The following TTC27 variants were observed in gnomAD, a reference collection of about 807,000 sequenced individuals.
TTC27 encodes the protein tetratricopeptide repeat domain 27, also known as tetratricopeptide repeat protein 27.
Under a neutral mutation model 115.9 loss-of-function variants are expected in TTC27, and 79 were observed. The ratio of observed to expected loss-of-function variants is 0.68; its 90% CI spans 0.57 to 0.82. The LOEUF is 0.82. TTC27 is among the 40% of genes least tolerant of loss of function. TTC27 has a pLI of 0.00. For synonymous variants in TTC27, 401 were observed against 356.0 expected (o/e 1.13, Z -1.42); for missense variants, 1,054 against 993.1 (o/e 1.06, Z -0.82).
chr2:32,715,880 A>G (rs1667737806), intron 10 of TTC27, among the ~76,000 whole-genome samples: 1 of 151,242 alleles, frequency 6.6e-6, no homozygotes. Flanking sequence ...TTTTTTTTTA[A>G]TACTGATGGA....
rs1252132286 is a variant in TTC27, at chr2:32,773,053, C to A, written c.1681-4829C>A. 3.9e-5 allele frequency among the ~76,000 whole-genome samples: 6 copies of A among 152,206 alleles called. 2 individuals are homozygous for A. Among genetic ancestry groups the A allele is most frequent in the Non-Finnish European group, 8.8e-5 (6 of 68,028 alleles). ...AAATTCAAAGAAACCATGCTCTCAA[C>A]CTTTTGAGTTCTTTGTGAATTATTT... is the stretch of plus-strand genomic sequence containing the variant. On this transcript the variant is annotated intron_variant, in intron 13 of 19. Transcript: ENST00000317907.
At chr2:32,712,633 CT>C (rs1667619179) in intron 10 of TTC27, among the ~76,000 whole-genome samples, 1 of 151,960 alleles carries the variant, frequency 6.6e-6, no homozygotes, top group Non-Finnish European at 1.5e-5. Flanking sequence ...GATCTCGGGA[CT>C]GCGATCTCCA....
At chr2:32,687,717 A>C (rs1022348415) in intron 9 of TTC27, among the ~76,000 whole-genome samples, 1 of 152,234 alleles carries the variant, frequency 6.6e-6, no homozygotes, top group Non-Finnish European at 1.5e-5. Context: ...CAGAGAGGAC[A>C]ACTTTATAAT....
intron 10 of TTC27, among the ~76,000 whole-genome samples, chr2:32,714,469 A>T (rs757876963): frequency 3.3e-5 from 5 of 151,566 alleles, no homozygotes; most frequent in Middle Eastern, 3.4e-3. Context: ...GGCCTACCCC[A>T]TTTTCTTTAT....
chr2:32,739,599 T>C (rs1273249034), intron 12 of TTC27, among the ~76,000 whole-genome samples: 1 of 152,210 alleles, frequency 6.6e-6, no homozygotes, highest in Non-Finnish European at 1.5e-5. Context: ...AGTCATTTAC[T>C]TTGTCTTAAG....
intron 13 of TTC27, among the ~76,000 whole-genome samples, 159 bp from the exon 14 acceptor site, chr2:32,777,723 A>G (rs908651123): frequency 7.2e-5 from 11 of 152,234 alleles, no homozygotes; most frequent in African/African-American, 2.4e-4. Flanking sequence ...CTCCATTGCT[A>G]AATATTCTAC....
chr2:32,808,630 A>C (rs1671217111), intron 16 of TTC27, among the ~76,000 whole-genome samples: 1 of 152,100 alleles, frequency 6.6e-6, no homozygotes, highest in Non-Finnish European at 1.5e-5. Flanking sequence ...AGGAGGCACA[A>C]ATGCACTTTA....
chr2:32,798,713 A>AAAATAATAATAATAAT (rs1368512271), intron 16 of TTC27, among the ~76,000 whole-genome samples: 25 of 142,352 alleles, frequency 1.8e-4, no homozygotes, highest in African/African-American at 6.5e-4. Flanking sequence ...TCAAAAAAAA[A>AAAATAATAATAATAAT]AATAATAATA....
intron 5 of TTC27, 92 bp downstream of exon 5, chr2:32,650,325 A>C (rs1665052986): frequency 3.7e-6 from 2 of 542,268 alleles, no homozygotes; most frequent in Non-Finnish European, 5.9e-6. Context: ...TTTGTCCGGT[A>C]GTAGTGCCTT....
chr2:32,710,856 G>A (rs1007868968), intron 10 of TTC27, among the ~76,000 whole-genome samples: 1 of 151,682 alleles, frequency 6.6e-6, no homozygotes, highest in Admixed American at 6.6e-5. Flanking sequence ...GCTCACATCT[G>A]TAATCCTAGC....
chr2:32,810,960 G>C (rs933766363), intron 16 of TTC27, 64 bp from the exon 17 acceptor site: 57 of 1,527,972 alleles, frequency 3.7e-5, no homozygotes, highest in Non-Finnish European at 4.9e-5. Context: ...TGGTGAGATA[G>C]CTCTTTGTTT....
chr2:32,752,674 G>A (rs2116588), intron 12 of TTC27, among the ~76,000 whole-genome samples: 123,944 of 152,114 alleles, frequency 0.81, 50,571 homozygotes, highest in Middle Eastern at 0.91. Context: ...TCTGAAGGCA[G>A]TGAGGGATGG....
At chr2:32,722,670 A>G (rs775825048) in intron 10 of TTC27, among the ~76,000 whole-genome samples, 1 of 152,224 alleles carries the variant, frequency 6.6e-6, no homozygotes, top group African/African-American at 2.4e-5. Flanking sequence ...AGGAAACGTG[A>G]TATCAGTAGA....
At chr2:32,790,079 G>T (rs1409650684) in intron 16 of TTC27, among the ~76,000 whole-genome samples, 1 of 151,504 alleles carries the variant, frequency 6.6e-6, no homozygotes, top group Non-Finnish European at 1.5e-5. Flanking sequence ...TATGAATTCA[G>T]ATAACGTGAT....
At chr2:32,755,475 C>T (rs913457896) in intron 12 of TTC27, among the ~76,000 whole-genome samples, 6 of 152,162 alleles carry the variant, frequency 3.9e-5, no homozygotes, top group South Asian at 4.1e-4. Context: ...CGCAGACACT[C>T]GGCAGGCTGA....
intron 9 of TTC27, among the ~76,000 whole-genome samples, chr2:32,692,075 C>A (rs1666839341): frequency 4.1e-5 from 2 of 48,758 alleles, no homozygotes; most frequent in Non-Finnish European, 9.1e-5. Context: ...AGAGACAGGT[C>A]TCCCCATATT....
intron 13 of TTC27, among the ~76,000 whole-genome samples, chr2:32,773,623 G>A (rs1249202920): frequency 2.6e-5 from 4 of 152,160 alleles, no homozygotes; most frequent in Admixed American, 6.5e-5. Flanking sequence ...ACTCTTTGTC[G>A]CCTCTCTTAG....
chr2:32,710,721 G>A (rs908526921), intron 10 of TTC27, among the ~76,000 whole-genome samples: 4 of 151,656 alleles, frequency 2.6e-5, no homozygotes, highest in East Asian at 2.0e-4. Context: ...GAGCCACCAC[G>A]CCCAGCCTGT....
At chr2:32,631,948 T>C (rs1321933796) in intron 2 of TTC27, among the ~76,000 whole-genome samples, 2 of 151,800 alleles carry the variant, frequency 1.3e-5, no homozygotes, top group Non-Finnish European at 2.9e-5. Flanking sequence ...GTAGCTGGGA[T>C]TACAGGCCTG....
Sources: allele counts gnomAD v4.1 joint callset (sites outside exome capture counted in the v4.1 genomes callset), GRCh38; gene constraint gnomAD v4.1.1; transcripts MANE v1.5; gene names NCBI Gene and HGNC (gene_info 2026-07-23, HGNC 2026-07-21).